POLD3: variants seen among roughly 807,000 people sequenced by gnomAD.
POLD3 encodes DNA polymerase delta subunit 3.
Under a neutral mutation model 58.2 loss-of-function variants are expected in POLD3, and 19 were observed. The observed-to-expected ratio is 0.33, with a 90% CI of 0.23 to 0.48. The LOEUF (loss-of-function observed/expected upper bound fraction) is 0.48. Ranked by LOEUF, POLD3 falls within the 20% of genes least tolerant of loss-of-function variation. The pLI is 0.99. For missense variants in POLD3, 504 were observed against 545.5 expected, an observed-to-expected ratio of 0.92 and a Z score of 0.76; for synonymous variants, 172 against 193.5, an observed-to-expected ratio of 0.89 and a Z score of 0.92.
chr11:74,609,372 A>ATATATATTTTTTTT (rs2031821525), intron 3 of POLD3, among the ~76,000 whole-genome samples: 2 of 27,210 alleles, frequency 7.4e-5, no homozygotes, highest in African/African-American at 3.7e-4. Flanking sequence ...ATATATATAT[A>ATATATATTTTTTTT]TTTTTTTTTT....
chr11:74,628,114 T>C (rs973418070), intron 8 of POLD3, among the ~76,000 whole-genome samples: 4 of 152,140 alleles, frequency 2.6e-5, no homozygotes, highest in African/African-American at 9.7e-5. Flanking sequence ...AGTCAAAATT[T>C]GATCTAAATT....
rs767836292 is a variant in POLD3 at position 74,643,012 on chromosome 11, T to C, written c.*2246T>C. 4 of 781,258 alleles carry C rather than the reference T, an allele frequency of 5.1e-6. No homozygotes were observed. Among genetic ancestry groups the C allele is most frequent in the Non-Finnish European group, 6.2e-6 (4 of 643,802 alleles). The allele number at this position is 781,258 out of a possible 1,614,324, so 48.4% of individuals were successfully genotyped here. A position where few individuals can be genotyped will look rare whatever the true frequency, so the allele number is the denominator to read the frequency against. ...GCTAGCTGTATGACTGTGGGCAAGT[T>C]TCACAGCCTCAAGTTCTTTATCAAA... On this transcript the variant is annotated 3_prime_UTR_variant, in exon 12 of 12. Coordinates refer to ENST00000263681, the MANE Select transcript of POLD3 (RefSeq NM_006591.3).
intron 11 of POLD3, among the ~76,000 whole-genome samples, chr11:74,638,109 C>T (rs2032803867): frequency 6.6e-6 from 1 of 152,088 alleles, no homozygotes; most frequent in Non-Finnish European, 1.5e-5. Flanking sequence ...GAAAAGAAAT[C>T]TGATGTTACC....
At chr11:74,592,953 C>T in intron 1 of POLD3, 3 of 1,384,810 alleles carry the variant, frequency 2.2e-6, no homozygotes, top group Admixed American at 3.0e-5. Context: ...GGGAACAGAG[C>T]CTGGGGCTGG....
chr11:74,662,869 C>T (rs2033221141), intron 4 of POLD3, among the ~76,000 whole-genome samples: 1 of 152,160 alleles, frequency 6.6e-6, no homozygotes, highest in South Asian at 2.1e-4. Flanking sequence ...CTGGGATAGG[C>T]GATTCCTCTC....
At chr11:74,619,476 G>A (rs75714093) in intron 6 of POLD3, among the ~76,000 whole-genome samples, 4,393 of 152,200 alleles carry the variant, frequency 0.029, 247 homozygotes, top group African/African-American at 0.1. Context: ...AAACACTAAC[G>A]TTTATTGAAT....
chr11:74,623,519 G>T (rs1591308136), intron 7 of POLD3, among the ~76,000 whole-genome samples: 1 of 152,140 alleles, frequency 6.6e-6, no homozygotes, highest in South Asian at 2.1e-4. Flanking sequence ...TGGGTTCAGG[G>T]TTTCTTTCTG....
Position 74,640,667 on chromosome 11 carries a change from A to G in POLD3, c.1302A>G (p.Lys434=). Residue 434 remains lysine (K), a synonymous_variant, in exon 12 of 12, where the codon AAA becomes AAG. Transcript: ENST00000263681. ...GACCCCCTGCCATGACTGTGAAAAA[A>G]GAACCCAGAGAGGAACGAAAGGGCC... The part of the protein sequence containing the change: ...VHRPPAMTVK[K]EPREERKGPK... The G allele has an allele frequency of 6.2e-7, 1 of 1,612,368 alleles. No homozygotes were observed. Among genetic ancestry groups the G allele is most frequent in the South Asian group, 1.1e-5 (1 of 90,688 alleles).
At chr11:74,592,976 C>T (rs774953814) in intron 1 of POLD3, 2 of 1,353,092 alleles carry the variant, frequency 1.5e-6, no homozygotes, top group African/African-American at 1.5e-5. Flanking sequence ...CCGCGGAGAC[C>T]GGGCGCGGAG....
At chr11:74,612,788 A>G in intron 4 of POLD3, 90 bp from the exon 5 acceptor site, 1 of 1,132,712 alleles carries the variant, frequency 8.8e-7, no homozygotes, top group South Asian at 1.5e-5. Flanking sequence ...ACAGATTACA[A>G]ATGCTTTAAT....
intron 7 of POLD3, among the ~76,000 whole-genome samples, chr11:74,622,252 T>C (rs10899017): frequency 0.12 from 18,771 of 152,126 alleles, 1,446 homozygotes; most frequent in African/African-American, 0.22. Context: ...TGCCACATTT[T>C]CTTAATCCAG....
At chr11:74,646,642 A>G (rs932446573), downstream of POLD3, among the ~76,000 whole-genome samples, 1 of 152,220 alleles carries the variant, frequency 6.6e-6, no homozygotes, top group Admixed American at 6.5e-5. Context: ...TTCCTTGAAA[A>G]AGCTTGTCTG....
In POLD3 at chr11:74,592,599, G is replaced by C; in HGVS notation, c.-60G>C. On this transcript the variant is annotated 5_prime_UTR_variant, in exon 1 of 12. Coordinates refer to ENST00000263681, the MANE Select transcript of POLD3 (RefSeq NM_006591.3). ...GAGGGAGCAAAGACGTTTCCCGCCG[G>C]CGGGAGCTGTGGCTGTGATTGAGAG... The C allele has an allele frequency of 6.2e-7, 1 of 1,602,972 alleles. No individual in the cohort carries two copies. Among genetic ancestry groups the C allele is most frequent in the Non-Finnish European group, 8.5e-7 (1 of 1,172,626 alleles).
intron 4 of POLD3, among the ~76,000 whole-genome samples, chr11:74,655,932 G>C (rs928184447): frequency 6.6e-6 from 1 of 152,078 alleles, no homozygotes; most frequent in Non-Finnish European, 1.5e-5. Context: ...CAAAGAACAA[G>C]CAAGTAATCT....
At chr11:74,622,422 A>G (rs995064790) in intron 7 of POLD3, among the ~76,000 whole-genome samples, 23 of 152,226 alleles carry the variant, frequency 1.5e-4, no homozygotes, top group African/African-American at 5.3e-4. Flanking sequence ...ATTGCTAGGT[A>G]GGAGTAATAG....
At chr11:74,658,507 C>G (rs1200379260) in intron 4 of POLD3, among the ~76,000 whole-genome samples, 1 of 152,168 alleles carries the variant, frequency 6.6e-6, no homozygotes, top group Non-Finnish European at 1.5e-5. Context: ...TAAAAGTTCA[C>G]AGTCCAAAGT....
chr11:74,614,186 G>C (rs987817522), intron 5 of POLD3, among the ~76,000 whole-genome samples: 2 of 152,198 alleles, frequency 1.3e-5, no homozygotes, highest in Non-Finnish European at 2.9e-5. Context: ...GAGAGCGCTG[G>C]GGAGCCACTG....
chr11:74,655,878 G>A (rs2033127407), intron 4 of POLD3, among the ~76,000 whole-genome samples: 1 of 152,058 alleles, frequency 6.6e-6, no homozygotes, highest in African/African-American at 2.4e-5. Context: ...GATGAGAAAA[G>A]TAAAAGTCAT....
At chr11:74,628,076 T>A (rs1221702515) in intron 8 of POLD3, among the ~76,000 whole-genome samples, 1 of 152,158 alleles carries the variant, frequency 6.6e-6, no homozygotes, top group Middle Eastern at 3.2e-3. Flanking sequence ...CTTGGATCAG[T>A]TTTGACTGAG....
Sources: gnomAD v4.1 joint callset for allele counts (sites outside exome capture counted in the v4.1 genomes callset) on GRCh38, gnomAD v4.1.1 for gene constraint, MANE v1.5 for transcripts, NCBI Gene and HGNC (gene_info 2026-07-23, HGNC 2026-07-21) for gene names.